The following COL16A1 variants were observed in gnomAD, a reference collection of about 807,000 sequenced individuals.
The protein encoded by COL16A1 is collagen type XVI alpha 1 chain.
COL16A1 carries 189 observed loss-of-function variants against 266.3 expected under a neutral mutation model. That is an observed-to-expected ratio of 0.71 (90% CI 0.63 to 0.80). COL16A1 has a LOEUF of 0.80. COL16A1 is among the 30% of genes least tolerant of loss of function. The probability of loss-of-function intolerance (pLI) is 0.00; values close to 1 mark genes in which losing one functional copy is unlikely to be tolerated. For synonymous variants in COL16A1, 740 were observed against 782.3 expected, an observed-to-expected ratio of 0.95 and a Z score of 0.90; for missense variants, 1,928 against 2,122.4, an observed-to-expected ratio of 0.91 and a Z score of 1.80.
At chr1:31,653,527 C>A in intron 70 of COL16A1, 72 bp downstream of exon 70, 2 of 1,519,174 alleles carry the variant, frequency 1.3e-6, no homozygotes, top group Admixed American at 2.1e-5. Context: ...ACAGCTGTGT[C>A]ATAGAAGAAA....
chr1:31,671,455 A>G (rs1642694071), intron 48 of COL16A1, among the ~76,000 whole-genome samples, 160 bp downstream of exon 48: 1 of 152,146 alleles, frequency 6.6e-6, no homozygotes, highest in Non-Finnish European at 1.5e-5. Context: ...GTGGGAGAGC[A>G]CAGTCCCTGC....
At position 31,694,096 on chromosome 1, in the gene COL16A1, G is replaced by A. The variant is rs376079260; in HGVS notation, c.1008+48C>T. 1.3e-5 allele frequency: 20 copies of A among 1,569,136 alleles called. No homozygotes were observed. In the African/African-American group the frequency reaches 2.6e-4, roughly 20 times the overall value. ...AGGGTCACATGCTGTGGGAATGGCT[G>A]GGGATGCTAAAGAGGACGGGAATGT... On this transcript the variant is annotated intron_variant, in intron 12 of 70. Coordinates refer to ENST00000373672, the MANE Select transcript of COL16A1 (RefSeq NM_001856.4).
At chr1:31,692,195 T>C in intron 16 of COL16A1, 128 bp from the exon 17 acceptor site, 1 of 1,410,948 alleles carries the variant, frequency 7.1e-7, no homozygotes. Flanking sequence ...GTGAATGGCT[T>C]CAATCACCAC....
chr1:31,687,915 A>G (rs912714691), intron 26 of COL16A1, among the ~76,000 whole-genome samples: 1 of 152,204 alleles, frequency 6.6e-6, no homozygotes, highest in Non-Finnish European at 1.5e-5. Flanking sequence ...TTTGTCTCCA[A>G]TGCAATCATA....
In COL16A1 at chr1:31,696,948, G is replaced by C. The variant is rs762905204; in HGVS notation, c.864+15C>G. The C allele has an allele frequency of 3.1e-6, 5 of 1,613,302 alleles. No homozygotes were observed. The highest frequency in any genetic ancestry group is 3.4e-6 in the Non-Finnish European group (4 of 1,179,972). ...TGCCTGCCTGTGCTGGCATCCACCT[G>C]TCCTGCCCACCCACCTCGCTGTTTT... On this transcript the variant is annotated intron_variant, in intron 8 of 70. Transcript: ENST00000373672.
Position 31,670,388 on chromosome 1 carries a change from A to G in COL16A1, c.3195+214T>C. Reference sequence around the variant, plus strand: ...GAAGAGGAGAGAAAGAACGCAGGAGAGGAGGGAGAGGAGAAAACGGAAAGG... The same window carrying G: ...GAAGAGGAGAGAAAGAACGCAGGAGGGGAGGGAGAGGAGAAAACGGAAAGG... On this transcript the variant is annotated intron_variant, in intron 49 of 70. Transcript: ENST00000373672. This position sits in a 1 kb window ranked among gnomAD's most constrained non-coding sequence, Gnocchi z 4.5. The G allele has an allele frequency of 2.1e-6, 1 of 476,956 alleles. No individual in the cohort carries two copies. Among genetic ancestry groups the G allele is most frequent in the East Asian group, 3.5e-5 (1 of 28,260 alleles). 29.5% of individuals were successfully genotyped at this position (476,956 alleles called of 1,614,324 possible).
Position 31,684,165 on chromosome 1 carries a change from G to T in COL16A1, c.2227C>A (p.Gln743Lys), listed in dbSNP as rs1377186950. The change falls in exon 32 of 71, where the codon CAG (glutamine) becomes AAG (lysine). Residue 743 changes from glutamine to lysine, a missense_variant. Gln to Lys is a moderately conservative substitution (Grantham distance 53, BLOSUM62 1). Transcript: ENST00000373672. ...TVTDMAGRPG[Q>K]PGPKGEQGPE... ...CCCTGCTCTCCTTTGGGGCCGGGCT[G>T]CCCAGGCCGTCCTGCCATGTCTGTC... 5.2e-6 allele frequency: 8 copies of T among 1,545,492 alleles called. No homozygotes were observed. Among genetic ancestry groups the T allele is most frequent in the Non-Finnish European group, 6.1e-6 (7 of 1,143,912 alleles).
chr1:31,660,519 C>T (rs1347349201), intron 62 of COL16A1, 66 bp downstream of exon 62: 2 of 1,597,124 alleles, frequency 1.3e-6, no homozygotes, highest in Non-Finnish European at 1.7e-6. Flanking sequence ...ACAGCCTATG[C>T]ACCACCAACC....
intron 12 of COL16A1, 156 bp from the exon 13 acceptor site, chr1:31,693,310 C>T (rs923134601): frequency 7.9e-6 from 5 of 635,892 alleles, no homozygotes; most frequent in African/African-American, 1.8e-5. Context: ...CGCCTCCCCC[C>T]ACCACACACA....
At chr1:31,666,246 C>G in intron 52 of COL16A1, 165 bp from the exon 53 acceptor site, 2 of 737,672 alleles carry the variant, frequency 2.7e-6, no homozygotes, top group Non-Finnish European at 4.3e-6. Flanking sequence ...CTGCTCTTGC[C>G]CGAGCTACTG....
chr1:31,672,371 A>C, intron 47 of COL16A1, 45 bp downstream of exon 47: 1 of 1,605,840 alleles, frequency 6.2e-7, no homozygotes, highest in Non-Finnish European at 8.5e-7. Flanking sequence ...AAAGGCAGAC[A>C]GGGCCCCAGC....
At position 31,679,615 on chromosome 1, in the gene COL16A1, C is replaced by G; in HGVS notation, c.2772+17G>C. On this transcript the variant is annotated intron_variant, in intron 42 of 70. Transcript: ENST00000373672. ...AGCTCTGCCACCCAAGCTCCTCATT[C>G]TCTTCTCCCCCTTTACCTGCAGCCC... 1 of 1,614,250 alleles carries G rather than the reference C, an allele frequency of 6.2e-7. No homozygotes were observed. The highest frequency in any genetic ancestry group is 8.5e-7 in the Non-Finnish European group (1 of 1,180,050).
rs1239085030 is a variant in COL16A1, at chr1:31,675,270, G to A, written c.2814C>T (p.Leu938=). The A allele has an allele frequency of 4.3e-6, 7 of 1,614,120 alleles. No homozygotes were observed. Among genetic ancestry groups the A allele is most frequent in the South Asian group, 2.2e-5 (2 of 91,088 alleles). The change falls in exon 43 of 71, where the codon CTC becomes CTT. Residue 938 remains leucine, a synonymous_variant. Transcript: ENST00000373672. ...GGCCAGTACCCACCAGTTCTGCAGT[G>A]AGCCCAGGCTGTCCTGGCAAACCGT... is the stretch of plus-strand genomic sequence containing the variant. ...GNNGLPGQPG[L]TAELGSLPIE...
At chr1:31,693,019 A>G in intron 13 of COL16A1, 73 bp downstream of exon 13, 1 of 1,076,960 alleles carries the variant, frequency 9.3e-7, no homozygotes, top group Non-Finnish European at 1.4e-6. Context: ...TGATGGGATG[A>G]TGGCTCACAT....
Position 31,683,957 on chromosome 1 carries a change from C to G in COL16A1, c.2330G>C (p.Gly777Ala). The G allele has an allele frequency of 6.2e-7, 1 of 1,614,202 alleles. No homozygotes were observed. Among genetic ancestry groups the G allele is most frequent in the Non-Finnish European group, 8.5e-7 (1 of 1,180,022 alleles). ...CCCAAGACTCACACATACCTGCACG[C>G]CCTTCAGTCCTGGGGGCCCTTGAAC... ...PGVQGPPGLK[G>A]VQGEPGPPGR... The change falls in exon 33 of 71, where the codon GGC becomes GCC. Residue 777 changes from glycine (G) to alanine (A), a missense_variant. Physicochemically the swap from Gly to Ala is moderately conservative, Grantham distance 60 (BLOSUM62 0). Transcript: ENST00000373672.
rs937569035 is a variant in COL16A1 at position 31,675,319 on chromosome 1, C to A, written c.2773-8G>T. ...GTTGTTTCCAGGCACTCCCTGTAGC[C>A]AAGAAGAGACACGAGTGAGTGGGCT... On this transcript the variant is annotated splice_region_variant and splice_polypyrimidine_tract_variant and intron_variant, in intron 42 of 70. Transcript: ENST00000373672. The A allele has an allele frequency of 6.2e-7, 1 of 1,613,404 alleles. No homozygotes were observed. Among genetic ancestry groups the A allele is most frequent in the African/African-American group, 1.3e-5 (1 of 75,040 alleles).
intron 58 of COL16A1, 77 bp downstream of exon 58, chr1:31,662,257 T>A: frequency 1.3e-6 from 2 of 1,565,132 alleles, no homozygotes; most frequent in South Asian, 2.3e-5. Flanking sequence ...GTTCTTTCCA[T>A]CAGGGTTCCC....
chr1:31,695,055 TG>T, intron 11 of COL16A1, 130 bp downstream of exon 11: 1 of 913,406 alleles, frequency 1.1e-6, no homozygotes, highest in Non-Finnish European at 1.7e-6. Context: ...CTCTGGGAGA[TG>T]GGCAGGGAGC....
chr1:31,662,307 G>GC, intron 58 of COL16A1, 27 bp downstream of exon 58: 23 of 1,597,992 alleles, frequency 1.4e-5, no homozygotes, highest in South Asian at 3.4e-5. Flanking sequence ...AGGAAGGGGT[G>GC]CCCGCCCTCC....
Sources: gnomAD v4.1 joint callset for allele counts (sites outside exome capture counted in the v4.1 genomes callset) on GRCh38, gnomAD v4.1.1 for gene constraint, Gnocchi (gnomAD v3.1) non-coding constraint, MANE v1.5 for transcripts, NCBI Gene and HGNC (gene_info 2026-07-23, HGNC 2026-07-21) for gene names.